Variants in RASSF3 observed in about 807,000 individuals in gnomAD.
RASSF3 encodes ras association domain-containing protein 3.
A neutral mutation model predicts 19.9 loss-of-function variants in RASSF3; 19 were observed. The observed-to-expected ratio is 0.96, with a 90% confidence interval of 0.67 to 1.40. RASSF3 has a LOEUF of 1.40. RASSF3 is among the 40% of genes most tolerant of loss of function. The pLI, the probability that RASSF3 is intolerant of heterozygous loss-of-function variation, is 0.00. For missense variants in RASSF3, 306 were observed against 289.8 expected (o/e 1.06, Z -0.41); for synonymous variants, 110 against 104.2 (o/e 1.06, Z -0.34).
chr12:64,601,647 C>T (rs927753473), intron 2 of RASSF3, among the ~76,000 whole-genome samples: 21 of 151,608 alleles, frequency 1.4e-4, no homozygotes, highest in African/African-American at 5.1e-4. Context: ...CATGGAGGGA[C>T]CCCGTCTCTA....
At chr12:64,584,879 C>CTTTTT (rs34522445) in intron 2 of RASSF3, among the ~76,000 whole-genome samples, 1,342 of 80,686 alleles carry the variant, frequency 0.017, 45 homozygotes, top group Middle Eastern at 0.026. Context: ...CAGAAGGATT[C>CTTTTT]TTTTTTTTTT....
At chr12:64,523,218 C>T (rs989307837) in intron 1 of RASSF3, among the ~76,000 whole-genome samples, 2 of 152,030 alleles carry the variant, frequency 1.3e-5, no homozygotes, top group African/African-American at 4.8e-5. Flanking sequence ...CCAGCCTGGC[C>T]AACATGGCGA....
chr12:64,551,654 GA>G (rs1869166157), intron 2 of RASSF3, among the ~76,000 whole-genome samples: 1 of 152,170 alleles, frequency 6.6e-6, no homozygotes, highest in South Asian at 2.1e-4. Flanking sequence ...GCAATGCATA[GA>G]AAAGTACTTA....
At chr12:64,529,469 A>G (rs887024840), upstream of RASSF3, among the ~76,000 whole-genome samples, 1 of 152,204 alleles carries the variant, frequency 6.6e-6, no homozygotes. Flanking sequence ...AATCAGAGCC[A>G]ATCCTGGACT....
At chr12:64,675,065 C>A (rs1872846670) in intron 1 of RASSF3, among the ~76,000 whole-genome samples, 1 of 141,822 alleles carries the variant, frequency 7.1e-6, no homozygotes, top group Non-Finnish European at 1.5e-5. Flanking sequence ...CCCCCGCCAC[C>A]CCGGCTTCTT....
chr12:64,600,642 A>G (rs1197260729), intron 2 of RASSF3, among the ~76,000 whole-genome samples: 1 of 152,204 alleles, frequency 6.6e-6, no homozygotes, highest in Non-Finnish European at 1.5e-5. Flanking sequence ...TCATCTTTGT[A>G]GCGTGACTGA....
rs762563427 is a variant in RASSF3 at position 64,688,417 on chromosome 12, T to C, written c.421T>C (p.Phe141Leu). ...TCTCGTGACTGAGAGCCCTGCCAAG[T>C]TTGCACTTTATAAGCGTTGTCACAG... Reference protein sequence around the residue: ...KFLVTESPAKFALYKRCHRED... With the variant: ...KFLVTESPAKLALYKRCHRED... The change falls in exon 3 of 5, where the codon TTT (phenylalanine) becomes CTT (leucine). Residue 141 changes from phenylalanine (F) to leucine (L), a missense_variant. Phe to Leu is a conservative substitution (Grantham distance 22, BLOSUM62 0). Coordinates refer to ENST00000542104, the MANE Select transcript of RASSF3 (RefSeq NM_178169.4). 6.2e-7 allele frequency: 1 copy of C among 1,614,094 alleles called. No individual in the cohort carries two copies. The highest frequency in any genetic ancestry group is 1.1e-5 in the South Asian group (1 of 91,078).
intron 4 of RASSF3, 145 bp from the exon 5 acceptor site, chr12:64,694,618 A>G: frequency 1.2e-6 from 1 of 824,598 alleles, no homozygotes; most frequent in Non-Finnish European, 1.9e-6. Flanking sequence ...TAGGCTGGCA[A>G]CACCCCAGCT....
intron 2 of RASSF3, among the ~76,000 whole-genome samples, chr12:64,591,202 C>T (rs190585473): frequency 4.6e-4 from 70 of 152,152 alleles, no homozygotes; most frequent in African/African-American, 7.0e-4. Flanking sequence ...CCTGGCCGGG[C>T]GCAGTGGCTC....
At chr12:64,627,048 T>C (rs566454008) in intron 1 of RASSF3, among the ~76,000 whole-genome samples, 44 of 152,288 alleles carry the variant, frequency 2.9e-4, no homozygotes, top group African/African-American at 9.4e-4. Context: ...CTTTAAAACA[T>C]TATAGAGGGG....
intron 2 of RASSF3, among the ~76,000 whole-genome samples, chr12:64,573,116 G>A (rs1299077382): frequency 6.6e-6 from 1 of 152,152 alleles, no homozygotes; most frequent in African/African-American, 2.4e-5. Flanking sequence ...ACTTTGGAAG[G>A]ATGAGGTGGG....
At chr12:64,532,574 G>A (rs1365430072), upstream of RASSF3, among the ~76,000 whole-genome samples, 1 of 151,956 alleles carries the variant, frequency 6.6e-6, no homozygotes, top group Non-Finnish European at 1.5e-5. Context: ...TGTAATTCCA[G>A]CACTATGGGA....
At chr12:64,524,275 C>G (rs1364682911) in intron 1 of RASSF3, among the ~76,000 whole-genome samples, 1 of 150,150 alleles carries the variant, frequency 6.7e-6, no homozygotes, top group African/African-American at 2.5e-5. Context: ...TTTGTAGAAT[C>G]AGGATTTCAC....
At chr12:64,528,116 A>T (rs1868629580) in intron 1 of RASSF3, among the ~76,000 whole-genome samples, 1 of 151,726 alleles carries the variant, frequency 6.6e-6, no homozygotes, top group Admixed American at 6.6e-5. Flanking sequence ...ACAAAATGTT[A>T]AAAAAAATTA....
intron 2 of RASSF3, among the ~76,000 whole-genome samples, chr12:64,597,286 C>T (rs913767351): frequency 6.6e-6 from 1 of 151,670 alleles, no homozygotes; most frequent in African/African-American, 2.4e-5. Context: ...GCATGCACCA[C>T]CGTACCCAGC....
intron 2 of RASSF3, among the ~76,000 whole-genome samples, chr12:64,560,564 G>A (rs1869329935): frequency 1.3e-5 from 2 of 152,194 alleles, no homozygotes; most frequent in Admixed American, 1.3e-4. Flanking sequence ...TTTAGCAGTT[G>A]CACCACCACA....
chr12:64,560,176 C>T (rs1330933632), intron 2 of RASSF3, among the ~76,000 whole-genome samples: 1 of 152,218 alleles, frequency 6.6e-6, no homozygotes, highest in South Asian at 2.1e-4. Context: ...TGCCCCCATC[C>T]CATGTTTCAG....
chr12:64,641,417 C>CGCGCGT (rs1393824967), intron 1 of RASSF3, among the ~76,000 whole-genome samples: 24 of 147,092 alleles, frequency 1.6e-4, no homozygotes, highest in African/African-American at 6.0e-4. Context: ...CACACACACG[C>CGCGCGT]GCGCGCGCGC....
intron 1 of RASSF3, among the ~76,000 whole-genome samples, chr12:64,647,828 G>T (rs1871795267): frequency 6.6e-6 from 1 of 152,110 alleles, no homozygotes; most frequent in African/African-American, 2.4e-5. Context: ...GGGGTTACAG[G>T]CATGAGCCAC....
Sources: allele counts gnomAD v4.1 joint callset (sites outside exome capture counted in the v4.1 genomes callset), GRCh38; gene constraint gnomAD v4.1.1; transcripts MANE v1.5; gene names NCBI Gene and HGNC (gene_info 2026-07-23, HGNC 2026-07-21).